The following PPP2R5D variants were observed in gnomAD, a reference collection of about 807,000 sequenced individuals.
PPP2R5D encodes the protein serine/threonine-protein phosphatase 2A 56 kDa regulatory subunit delta isoform.
In PPP2R5D, 12 loss-of-function variants were observed where a neutral mutation model predicts 79.1. The ratio of observed to expected loss-of-function variants is 0.15; its 90% CI spans 0.10 to 0.25. The LOEUF is 0.25. Ranked by LOEUF, PPP2R5D falls within the 10% of genes least tolerant of loss-of-function variation. The pLI is 1.00. For missense variants in PPP2R5D, 419 were observed against 760.2 expected (o/e 0.55, Z 5.28); for synonymous variants, 277 against 286.6 (o/e 0.97, Z 0.34).
intron 2 of PPP2R5D, among the ~76,000 whole-genome samples, chr6:42,999,774 C>T (rs907680297): frequency 2.0e-5 from 3 of 151,988 alleles, no homozygotes; most frequent in African/African-American, 7.2e-5. Flanking sequence ...GCTATGTTGG[C>T]CAGGCTGGTC....
chr6:43,003,150 C>T (rs928775688), intron 2 of PPP2R5D, among the ~76,000 whole-genome samples: 6 of 152,106 alleles, frequency 3.9e-5, no homozygotes, highest in Non-Finnish European at 8.8e-5. Context: ...AGGCTGGGCA[C>T]GGTGGCTCAC....
chr6:43,008,244 C>T lies in PPP2R5D; in HGVS notation c.901C>T (p.Leu301=). ...GCATCACAACGGGATTGCTGAGCTC[C>T]TGGAGATCCTGGGCAGGTGAGAGGC... ...TEHHNGIAEL[L]EILGSIINGF... is the part of the protein sequence containing the mutation. The change falls in exon 8 of 16, where the codon CTG becomes TTG. Residue 301 remains leucine (L), a synonymous_variant. Coordinates refer to ENST00000485511, the MANE Select transcript of PPP2R5D (RefSeq NM_006245.4). This position sits in a 1 kb window ranked among gnomAD's most constrained non-coding sequence, Gnocchi z 4.2. 2 of 1,614,158 alleles carry T rather than the reference C, an allele frequency of 1.2e-6. No homozygotes were observed. The highest frequency in any genetic ancestry group is 1.7e-6 in the Non-Finnish European group (2 of 1,180,018).
intron 1 of PPP2R5D, among the ~76,000 whole-genome samples, chr6:42,987,139 C>G (rs1581793695): frequency 6.6e-6 from 1 of 152,270 alleles, no homozygotes; most frequent in Middle Eastern, 3.4e-3. Context: ...TCTGGATTTG[C>G]AGAACACTTA....
At position 43,008,908 on chromosome 6, in the gene PPP2R5D, G is replaced by T; in HGVS notation, c.1081-149G>T. On this transcript the variant is annotated intron_variant, in intron 10 of 15. Transcript: ENST00000485511. This position sits in a 1 kb window ranked among gnomAD's most constrained non-coding sequence, Gnocchi z 4.2. ...GGAAGCAAAACCTATATACACCTAG[G>T]AAACAGATCCAAGGCAAAGAAACGG... is the stretch of plus-strand genomic sequence containing the variant. 1.6e-6 allele frequency: 2 copies of T among 1,240,786 alleles called. No homozygotes were observed. Among genetic ancestry groups the T allele is most frequent in the Non-Finnish European group, 2.3e-6 (2 of 882,264 alleles). The allele number at this position is 1,240,786 out of a possible 1,614,324, so 76.9% of individuals were successfully genotyped here.
At chr6:42,998,048 T>TATAC (rs1771895529) in intron 2 of PPP2R5D, among the ~76,000 whole-genome samples, 4 of 28,824 alleles carry the variant, frequency 1.4e-4, no homozygotes, top group African/African-American at 4.2e-4. Context: ...TATATATATA[T>TATAC]ATATATATAT....
At chr6:42,997,313 C>T (rs996271694) in intron 2 of PPP2R5D, among the ~76,000 whole-genome samples, 7 of 151,776 alleles carry the variant, frequency 4.6e-5, no homozygotes, top group Admixed American at 1.3e-4. Context: ...CTCCCTCAGC[C>T]TCCTGAGTAG....
intron 2 of PPP2R5D, among the ~76,000 whole-genome samples, chr6:42,995,075 CTCT>C (rs1194264783): frequency 6.6e-6 from 1 of 151,436 alleles, no homozygotes; most frequent in East Asian, 1.9e-4. Context: ...GCTGGCCCCA[CTCT>C]TCTTCTAGCA....
chr6:43,012,237 G>A lies in PPP2R5D; in HGVS notation c.*951G>A. 1.6e-6 allele frequency: 2 copies of A among 1,256,054 alleles called. No individual in the cohort carries two copies. Among genetic ancestry groups the A allele is most frequent in the Non-Finnish European group, 2.0e-6 (2 of 998,632 alleles). 77.8% of individuals were successfully genotyped at this position (1,256,054 alleles called of 1,614,324 possible). On this transcript the variant is annotated 3_prime_UTR_variant, in exon 16 of 16. Coordinates refer to ENST00000485511, the MANE Select transcript of PPP2R5D (RefSeq NM_006245.4). Reference sequence around the variant, plus strand: ...CGCAGGCAGTGCGGCTTTTGGCTGTGTACATAGGGTGCTTTATTCTCCACA... The same window carrying A: ...CGCAGGCAGTGCGGCTTTTGGCTGTATACATAGGGTGCTTTATTCTCCACA...
At chr6:42,985,622 C>T (rs549904241) in intron 1 of PPP2R5D, among the ~76,000 whole-genome samples, 68 of 149,602 alleles carry the variant, frequency 4.5e-4, no homozygotes, top group Non-Finnish European at 7.6e-4. Flanking sequence ...TTTTTCTTTT[C>T]GCACCAGTGC....
chr6:42,993,211 C>T (rs985293898), intron 2 of PPP2R5D, among the ~76,000 whole-genome samples: 10 of 151,524 alleles, frequency 6.6e-5, no homozygotes, highest in East Asian at 3.9e-4. Flanking sequence ...GCAGGAGAAT[C>T]GCTTGAACCC....
At position 43,007,242 on chromosome 6, in the gene PPP2R5D, C is replaced by T; in HGVS notation, c.569C>T (p.Thr190Ile). The T allele has an allele frequency of 6.2e-7, 1 of 1,614,156 alleles. No individual in the cohort carries two copies. Among genetic ancestry groups the T allele is most frequent in the African/African-American group, 1.3e-5 (1 of 75,034 alleles). Reference protein sequence around the residue: ...FRTLPPSSNPTGAEFDPEEDE... With the variant: ...FRTLPPSSNPIGAEFDPEEDE... ...ACGCTGCCACCTTCATCGAATCCCACAGGGGCTGAGTTTGACCCAGAGGAA... is the reference window on the plus strand; with the variant it reads ...ACGCTGCCACCTTCATCGAATCCCATAGGGGCTGAGTTTGACCCAGAGGAA... The change falls in exon 5 of 16, where the codon ACA (threonine) becomes ATA (isoleucine). Residue 190 changes from threonine (T) to isoleucine (I), a missense_variant. By Grantham distance (89) the Thr-to-Ile change is moderately conservative. This residue lies in a region of PPP2R5D where 196 missense variants were observed against 424.5 expected (regional missense o/e 0.46). Transcript: ENST00000485511. The surrounding 1 kb of genome is among the most constrained non-coding windows in gnomAD (Gnocchi z 4.5).
chr6:42,990,495 T>A (rs1771178075), intron 2 of PPP2R5D, among the ~76,000 whole-genome samples: 1 of 152,170 alleles, frequency 6.6e-6, no homozygotes, highest in South Asian at 2.1e-4. Context: ...TGAGCAAATG[T>A]TTGGGGTTAA....
At chr6:42,992,280 C>T (rs950571300) in intron 2 of PPP2R5D, among the ~76,000 whole-genome samples, 3 of 152,010 alleles carry the variant, frequency 2.0e-5, no homozygotes, top group South Asian at 2.1e-4. Flanking sequence ...AGGATGGTCT[C>T]GATCTCCTGA....
Position 43,010,965 on chromosome 6 carries a change from C to CTGA in PPP2R5D, c.1640_1642dup (p.Leu547_Lys548insMet), listed in dbSNP as rs1298774899. 6.2e-7 allele frequency: 1 copy of CTGA among 1,614,022 alleles called. No individual in the cohort carries two copies. The highest frequency in any genetic ancestry group is 1.3e-5 in the African/African-American group (1 of 74,916). ...CCCCACAGCTGAGGACATCCAGCTT[C>CTGA]TGAAGAGGACTGTGGAGACTGAGGC... On this transcript the variant is annotated inframe_insertion, in exon 15 of 16. Transcript: ENST00000485511. This position sits in a 1 kb window ranked among gnomAD's most constrained non-coding sequence, Gnocchi z 4.7.
In PPP2R5D at chr6:43,009,397, C is replaced by T; in HGVS notation, c.1327C>T (p.Leu443Phe). 1 of 1,614,136 alleles carries T rather than the reference C, an allele frequency of 6.2e-7. No individual in the cohort carries two copies. The highest frequency in any genetic ancestry group is 8.5e-7 in the Non-Finnish European group (1 of 1,180,024). The stretch of plus-strand genomic sequence containing the variant: ...GATAAGTGACAATGCTGCCCGAGTC[C>T]TCCCCATCATGTTCCCTGCACTCTA... ...SLISDNAARV[L>F]PIMFPALYRN... Residue 443 changes from leucine to phenylalanine, a missense_variant, in exon 12 of 16, where the codon CTC (leucine) becomes TTC (phenylalanine). By Grantham distance (22) the Leu-to-Phe change is conservative. This residue lies in a region of PPP2R5D where 196 missense variants were observed against 424.5 expected (regional missense o/e 0.46). Coordinates refer to ENST00000485511, the MANE Select transcript of PPP2R5D (RefSeq NM_006245.4). The surrounding 1 kb of genome is among the most constrained non-coding windows in gnomAD (Gnocchi z 5.6).
At chr6:43,004,569 C>CTTTTT (rs56194066) in intron 2 of PPP2R5D, among the ~76,000 whole-genome samples, 67 of 125,076 alleles carry the variant, frequency 5.4e-4, no homozygotes, top group African/African-American at 2.0e-3. Flanking sequence ...TCTTTTCCTA[C>CTTTTT]TTTTTTTTTT....
chr6:43,006,894 T>C lies in PPP2R5D; in HGVS notation c.323-17T>C, dbSNP rs942566561. 1 of 1,613,404 alleles carries C rather than the reference T, an allele frequency of 6.2e-7. No homozygotes were observed. Among genetic ancestry groups the C allele is most frequent in the East Asian group, 2.2e-5 (1 of 44,870 alleles). ...GAAGGACTACAGAGGAGAACCTGAC[T>C]GCTGGGGCCCCCACAGATTCGCCAA... On this transcript the variant is annotated splice_polypyrimidine_tract_variant and intron_variant, in intron 3 of 15. Transcript: ENST00000485511. The surrounding 1 kb of genome is among the most constrained non-coding windows in gnomAD (Gnocchi z 4.7).
At chr6:42,985,040 GC>G (rs1770729498) in intron 1 of PPP2R5D, among the ~76,000 whole-genome samples, 1 of 149,140 alleles carries the variant, frequency 6.7e-6, no homozygotes, top group Admixed American at 6.7e-5. Context: ...ATCACCCCTG[GC>G]CCCGATCCCC....
At chr6:43,001,561 G>C (rs1050141663) in intron 2 of PPP2R5D, among the ~76,000 whole-genome samples, 3 of 152,096 alleles carry the variant, frequency 2.0e-5, no homozygotes, top group African/African-American at 7.2e-5. Flanking sequence ...AGTAATAGTA[G>C]TGGTGGTAGT....
Sources: gnomAD v4.1 joint callset for allele counts (sites outside exome capture counted in the v4.1 genomes callset) on GRCh38, gnomAD v4.1.1 for gene constraint, gnomAD v4.1.1 regional missense constraint, Gnocchi (gnomAD v3.1) non-coding constraint, MANE v1.5 for transcripts, NCBI Gene and HGNC (gene_info 2026-07-23, HGNC 2026-07-21) for gene names.